Variants in CACNA2D3 observed in about 807,000 individuals in gnomAD.
CACNA2D3 encodes voltage-dependent calcium channel subunit alpha-2/delta-3.
In CACNA2D3, 60 loss-of-function variants were observed where a neutral mutation model predicts 160.6. That is an observed-to-expected ratio of 0.37 (90% CI 0.30 to 0.46). The LOEUF (loss-of-function observed/expected upper bound fraction) is 0.46, where lower values mean the gene tolerates loss of function less well. Among genes scored for constraint, CACNA2D3 ranks in the 20% least tolerant of loss-of-function variants. The pLI, the probability that CACNA2D3 is intolerant of heterozygous loss-of-function variation, is 1.00. For missense variants in CACNA2D3, 1,205 were observed against 1,365.0 expected (o/e 0.88, Z 1.85); for synonymous variants, 558 against 492.9 (o/e 1.13, Z -1.75).
intron 32 of CACNA2D3, among the ~76,000 whole-genome samples, chr3:55,006,837 T>G (rs896235612): frequency 6.6e-6 from 1 of 152,238 alleles, no homozygotes; most frequent in Admixed American, 6.5e-5. Flanking sequence ...CTAGTTCTTA[T>G]AATTAAAATG....
intron 35 of CACNA2D3, among the ~76,000 whole-genome samples, chr3:55,024,875 T>G (rs780915446): frequency 3.9e-5 from 6 of 152,224 alleles, no homozygotes; most frequent in Non-Finnish European, 7.3e-5. Context: ...GTCTCAGATA[T>G]GATCACAGGC....
At chr3:55,033,608 C>A (rs868499227) in intron 35 of CACNA2D3, among the ~76,000 whole-genome samples, 2,312 of 118,190 alleles carry the variant, frequency 0.02, 77 homozygotes, top group African/African-American at 0.075. Context: ...ATATATATAT[C>A]TCCTTGAAGT....
intron 27 of CACNA2D3, among the ~76,000 whole-genome samples, chr3:54,912,289 T>C (rs1700572802): frequency 6.6e-6 from 1 of 152,184 alleles, no homozygotes. Context: ...TCTGTTTGTT[T>C]GAAGCGAGTC....
intron 4 of CACNA2D3, among the ~76,000 whole-genome samples, chr3:54,500,259 C>T (rs1701266711): frequency 6.6e-6 from 1 of 152,112 alleles, no homozygotes; most frequent in African/African-American, 2.4e-5. Flanking sequence ...TCTTCTTCAT[C>T]CCTTTACTTT....
Position 54,126,134 on chromosome 3 carries a change from T to C in CACNA2D3, c.204+2540T>C, listed in dbSNP as rs1475645969. ...TACCACCATATAATTTTATGTATTT[T>C]ATGTAGTTTCACTAATTGACACTTC... On this transcript the variant is annotated intron_variant, in intron 2 of 37. Coordinates refer to ENST00000474759, the MANE Select transcript of CACNA2D3 (RefSeq NM_018398.3). Among the ~76,000 whole-genome samples, 3 of 152,260 alleles carry C rather than the reference T, an allele frequency of 2.0e-5. No homozygotes were observed. In the East Asian group the frequency reaches 5.8e-4, roughly 29 times the overall value.
intron 11 of CACNA2D3, among the ~76,000 whole-genome samples, chr3:54,746,718 T>A (rs1701759023): frequency 1.3e-5 from 2 of 152,238 alleles, no homozygotes; most frequent in Admixed American, 6.5e-5. Context: ...ACCTTCTTTT[T>A]TCTATAAAAA....
intron 35 of CACNA2D3, among the ~76,000 whole-genome samples, chr3:55,070,244 A>G (rs913547825): frequency 3.3e-5 from 5 of 152,192 alleles, no homozygotes; most frequent in Admixed American, 6.5e-5. Flanking sequence ...CCTTGGCAAT[A>G]ACTGATTCAG....
intron 13 of CACNA2D3, among the ~76,000 whole-genome samples, chr3:54,766,255 A>G (rs1003137409): frequency 5.9e-5 from 9 of 152,236 alleles, no homozygotes; most frequent in African/African-American, 1.7e-4. Context: ...ATAATCTCCA[A>G]TATACAAAGA....
intron 4 of CACNA2D3, among the ~76,000 whole-genome samples, chr3:54,425,499 G>A (rs942999689): frequency 2.0e-5 from 3 of 152,218 alleles, no homozygotes; most frequent in East Asian, 1.9e-4. Flanking sequence ...AATTGTTTAA[G>A]CATCTTCCCA....
At chr3:54,767,775 A>T (rs1320332481) in intron 13 of CACNA2D3, among the ~76,000 whole-genome samples, 2 of 152,216 alleles carry the variant, frequency 1.3e-5, no homozygotes, top group African/African-American at 4.8e-5. Flanking sequence ...TGTCAAAAGG[A>T]CACAGGATCA....
chr3:54,893,133 G>A (rs1331066686), intron 25 of CACNA2D3, among the ~76,000 whole-genome samples: 19 of 152,046 alleles, frequency 1.2e-4, no homozygotes, highest in Admixed American at 8.5e-4. Flanking sequence ...AAAATTAGCC[G>A]GGCATGGTGG....
chr3:54,453,275 G>A (rs1033208936), intron 4 of CACNA2D3, among the ~76,000 whole-genome samples: 4 of 152,166 alleles, frequency 2.6e-5, no homozygotes, highest in African/African-American at 9.7e-5. Flanking sequence ...TTACAGGCAT[G>A]AGCCACTGTG....
chr3:54,959,517 C>A (rs1559645461), intron 27 of CACNA2D3, among the ~76,000 whole-genome samples: 1 of 151,626 alleles, frequency 6.6e-6, no homozygotes, highest in Admixed American at 6.6e-5. Context: ...TGTGGCTGTT[C>A]TATTATTATT....
At chr3:54,758,512 G>A (rs1702018430) in intron 12 of CACNA2D3, among the ~76,000 whole-genome samples, 1 of 152,262 alleles carries the variant, frequency 6.6e-6, no homozygotes, top group South Asian at 2.1e-4. Flanking sequence ...TGTGAAGTCA[G>A]AGAAGACAGG....
At chr3:54,886,935 C>CTTTTTTTTTTTTTTTTTT (rs60899252) in intron 23 of CACNA2D3, among the ~76,000 whole-genome samples, 1 of 107,748 alleles carries the variant, frequency 9.3e-6, no homozygotes, top group African/African-American at 3.9e-5. Context: ...CAGCAAAGCT[C>CTTTTTTTTTTTTTTTTTT]TTTTTTTTTT....
intron 35 of CACNA2D3, among the ~76,000 whole-genome samples, chr3:55,054,691 G>A (rs1055442695): frequency 6.6e-6 from 1 of 151,634 alleles, no homozygotes; most frequent in African/African-American, 2.4e-5. Flanking sequence ...TTCTTCTGTT[G>A]ACTATTTTGT....
At chr3:54,690,533 T>A (rs17054293) in intron 11 of CACNA2D3, among the ~76,000 whole-genome samples, 39,191 of 152,028 alleles carry the variant, frequency 0.26, 5,430 homozygotes, top group African/African-American at 0.3. Context: ...CTCATTTGTG[T>A]GAACTGCTTA....
chr3:54,920,248 T>C (rs562537676), intron 27 of CACNA2D3, among the ~76,000 whole-genome samples: 8 of 152,328 alleles, frequency 5.3e-5, no homozygotes, highest in African/African-American at 1.9e-4. Context: ...ATTTACTCTC[T>C]CTAAGCTTAC....
rs565556596 is a variant in CACNA2D3 at position 54,681,382 on chromosome 3, C to CAAAAAAAA, written c.1167+39160_1167+39167dup. Among the ~76,000 whole-genome samples, 18 of 62,096 alleles carry CAAAAAAAA rather than the reference C, an allele frequency of 2.9e-4. 1 individual carries two copies. Among genetic ancestry groups the CAAAAAAAA allele is most frequent in the African/African-American group, 4.8e-4 (6 of 12,394 alleles). The allele number at this position is 62,096 out of a possible 152,430, so 40.7% of individuals were successfully genotyped here. On this transcript the variant is annotated intron_variant, in intron 11 of 37. Coordinates refer to ENST00000474759, the MANE Select transcript of CACNA2D3 (RefSeq NM_018398.3). ...TGAAACCCCATCTCTACTAAAAATA[C>CAAAAAAAA]AAAAAAAAAAAAAAAAAAAAAAAAA...
Sources: allele counts gnomAD v4.1 joint callset (sites outside exome capture counted in the v4.1 genomes callset), GRCh38; gene constraint gnomAD v4.1.1; transcripts MANE v1.5; gene names NCBI Gene and HGNC (gene_info 2026-07-23, HGNC 2026-07-21).